Variants in CCDC90B observed in about 807,000 individuals in gnomAD.
CCDC90B encodes coiled-coil domain containing 90B, also known as coiled-coil domain-containing protein 90B, mitochondrial.
A neutral mutation model predicts 37.0 loss-of-function variants in CCDC90B; 24 were observed. That is an observed-to-expected ratio of 0.65 (90% confidence interval 0.47 to 0.91). CCDC90B has a LOEUF of 0.91. CCDC90B is among the 40% of genes least tolerant of loss of function. The pLI, the probability that CCDC90B is intolerant of heterozygous loss-of-function variation, is 0.00. For synonymous variants in CCDC90B, 113 were observed against 101.1 expected (o/e 1.12, Z -0.71); for missense variants, 319 against 299.0 (o/e 1.07, Z -0.49).
Position 83,261,717 on chromosome 11 carries a change from C to A in CCDC90B, c.*194G>T, listed in dbSNP as rs769533899. 1.1e-4 allele frequency: 44 copies of A among 404,290 alleles called. No individual in the cohort carries two copies. The highest frequency in any genetic ancestry group is 1.7e-4 in the Non-Finnish European group (38 of 225,434). The allele number at this position is 404,290 out of a possible 1,614,324, so 25.0% of individuals were successfully genotyped here. On this transcript the variant is annotated 3_prime_UTR_variant, in exon 9 of 9. Transcript: ENST00000529689. ...ACAGCTTTTCAATATAATAAAGACACACACCTGCACTCACACACACACAAT... is the reference window on the plus strand; with the variant it reads ...ACAGCTTTTCAATATAATAAAGACAAACACCTGCACTCACACACACACAAT...
chr11:83,285,562 GCTC>G, intron 1 of CCDC90B: 2 of 1,227,274 alleles, frequency 1.6e-6, no homozygotes, highest in Non-Finnish European at 2.0e-6. Flanking sequence ...CCTTACGTTG[GCTC>G]CTGACGAGAT....
chr11:83,282,494 G>C (rs1865447460), intron 1 of CCDC90B, among the ~76,000 whole-genome samples: 1 of 152,144 alleles, frequency 6.6e-6, no homozygotes, highest in Non-Finnish European at 1.5e-5. Context: ...TGCTAAATTT[G>C]GGATAGAGAC....
chr11:83,274,287 C>T (rs1380920317), intron 4 of CCDC90B: 1 of 299,116 alleles, frequency 3.3e-6, no homozygotes, highest in African/African-American at 2.2e-5. Flanking sequence ...CAGAAATATA[C>T]TTTTAAGTCA....
chr11:83,283,333 C>T (rs1451267445), intron 1 of CCDC90B, among the ~76,000 whole-genome samples: 1 of 152,212 alleles, frequency 6.6e-6, no homozygotes, highest in South Asian at 2.1e-4. Flanking sequence ...GAGAAGTTAT[C>T]CAGACAGGAT....
intron 2 of CCDC90B, among the ~76,000 whole-genome samples, chr11:83,279,704 A>T (rs979917281): frequency 6.6e-6 from 1 of 152,162 alleles, no homozygotes; most frequent in Non-Finnish European, 1.5e-5. Context: ...TAATGCCTTC[A>T]TCACATATTA....
At chr11:83,266,760 A>G (rs1864302481) in intron 7 of CCDC90B, 1 of 152,280 alleles carries the variant, frequency 6.6e-6, no homozygotes, top group Non-Finnish European at 1.5e-5. Flanking sequence ...TGGTTCTCTC[A>G]CGACAGCGTT....
At position 83,260,810 on chromosome 11, in the gene CCDC90B, GAA is replaced by G. The variant is rs1440990378; in HGVS notation, c.*1099_*1100del. On this transcript the variant is annotated 3_prime_UTR_variant, in exon 9 of 9. Transcript: ENST00000529689. The stretch of plus-strand genomic sequence containing the variant: ...TTTACTAATAGATATTACTTTGTAA[GAA>G]AAAATATATCTAATAACAAAACAAA... The G allele has an allele frequency of 6.6e-6, 1 of 152,004 alleles. No homozygotes were observed. The highest frequency in any genetic ancestry group is 1.9e-4 in the East Asian group (1 of 5,200). 9.4% of individuals were successfully genotyped at this position (152,004 alleles called of 1,614,324 possible).
At chr11:83,264,943 C>T (rs991874155) in intron 8 of CCDC90B, among the ~76,000 whole-genome samples, 1 of 120,916 alleles carries the variant, frequency 8.3e-6, no homozygotes, top group Non-Finnish European at 1.6e-5. Flanking sequence ...GAACATCACG[C>T]TCTGGGGACT....
Position 83,261,654 on chromosome 11 carries a change from G to T in CCDC90B, c.*257C>A. ...GTTCAATTTCTATTAACTATCAAAA[G>T]GACAAAATGCTCTTCTATCTCAAAC... On this transcript the variant is annotated 3_prime_UTR_variant, in exon 9 of 9. Coordinates refer to ENST00000529689, the MANE Select transcript of CCDC90B (RefSeq NM_021825.5). The T allele has an allele frequency of 3.6e-6, 1 of 280,926 alleles. No homozygotes were observed. The highest frequency in any genetic ancestry group is 6.6e-6 in the Non-Finnish European group (1 of 151,516). The allele number at this position is 280,926 out of a possible 1,614,324, so 17.4% of individuals were successfully genotyped here. A position where few individuals can be genotyped will look rare whatever the true frequency, so the allele number is the denominator to read the frequency against.
At chr11:83,276,452 A>G (rs1423520370) in intron 3 of CCDC90B, among the ~76,000 whole-genome samples, 1 of 152,104 alleles carries the variant, frequency 6.6e-6, no homozygotes, top group African/African-American at 2.4e-5. Context: ...GGTTCGAGTG[A>G]TTCTCGTGCC....
intron 2 of CCDC90B, among the ~76,000 whole-genome samples, chr11:83,279,495 T>G: frequency 6.6e-6 from 1 of 152,190 alleles, no homozygotes; most frequent in East Asian, 1.9e-4. Context: ...TTTTTGTTAT[T>G]TATATTTATT....
At chr11:83,273,585 T>C in intron 7 of CCDC90B, 62 bp downstream of exon 7, 1 of 1,267,346 alleles carries the variant, frequency 7.9e-7, no homozygotes, top group Non-Finnish European at 1.1e-6. Context: ...CTGGTACACA[T>C]AAAAGCAGTT....
intron 3 of CCDC90B, among the ~76,000 whole-genome samples, chr11:83,277,499 T>C (rs1865109675): frequency 1.3e-5 from 2 of 152,282 alleles, no homozygotes; most frequent in South Asian, 4.1e-4. Context: ...GTTTTTTTCT[T>C]TTTTTGAGAT....
intron 3 of CCDC90B, 57 bp downstream of exon 3, chr11:83,278,669 A>G: frequency 1.8e-6 from 2 of 1,133,954 alleles, no homozygotes; most frequent in Non-Finnish European, 2.6e-6. Context: ...ACAGAGACAT[A>G]GTTATGAAAT....
At chr11:83,283,703 T>C (rs1048741465) in intron 1 of CCDC90B, among the ~76,000 whole-genome samples, 6 of 152,242 alleles carry the variant, frequency 3.9e-5, no homozygotes, top group Admixed American at 1.3e-4. Context: ...GGCTTATGCC[T>C]GTAATCCTAG....
intron 1 of CCDC90B, among the ~76,000 whole-genome samples, chr11:83,280,969 C>T (rs750829087): frequency 2.6e-5 from 4 of 152,190 alleles, no homozygotes; most frequent in Non-Finnish European, 5.9e-5. Flanking sequence ...TCTGAAATAA[C>T]CCTTCTTGTC....
intron 1 of CCDC90B, chr11:83,285,249 C>T (rs1480098718): frequency 7.8e-7 from 1 of 1,281,028 alleles, no homozygotes; most frequent in East Asian, 5.6e-5. Context: ...TGAAAAACAA[C>T]GACGACAACA....
intron 1 of CCDC90B, among the ~76,000 whole-genome samples, chr11:83,282,084 T>C (rs975298418): frequency 6.6e-6 from 1 of 152,214 alleles, no homozygotes; most frequent in Non-Finnish European, 1.5e-5. Context: ...CAAAGCCTAC[T>C]TTATAATAAA....
rs561525036 is a variant in CCDC90B at position 83,273,997 on chromosome 11, G to T, written c.427-5C>A. 7 of 1,549,448 alleles carry T rather than the reference G, an allele frequency of 4.5e-6. No individual in the cohort carries two copies. Among genetic ancestry groups the T allele is most frequent in the South Asian group, 3.8e-5 (3 of 79,536 alleles). On this transcript the variant is annotated splice_region_variant and splice_polypyrimidine_tract_variant and intron_variant, in intron 4 of 8. Coordinates refer to ENST00000529689, the MANE Select transcript of CCDC90B (RefSeq NM_021825.5). Reference sequence around the variant, plus strand: ...GTCTAATTCAATTTTCATTTTCTAGGTACAGGAAAGATCACATGCAATTAG... The same window carrying T: ...GTCTAATTCAATTTTCATTTTCTAGTTACAGGAAAGATCACATGCAATTAG...
Sources: allele counts gnomAD v4.1 joint callset (sites outside exome capture counted in the v4.1 genomes callset), GRCh38; gene constraint gnomAD v4.1.1; transcripts MANE v1.5; gene names NCBI Gene and HGNC (gene_info 2026-07-23, HGNC 2026-07-21).